The following GSK3A variants were observed in gnomAD, a reference collection of about 807,000 sequenced individuals.
The protein encoded by GSK3A is glycogen synthase kinase-3 alpha.
Under a neutral mutation model 56.6 loss-of-function variants are expected in GSK3A, and 14 were observed. The observed-to-expected ratio is 0.25, with a 90% CI of 0.16 to 0.39. The LOEUF (loss-of-function observed/expected upper bound fraction) is 0.39, where lower values mean the gene tolerates loss of function less well. Ranked by LOEUF, GSK3A falls within the 10% of genes least tolerant of loss-of-function variation. The pLI is 1.00. For missense variants in GSK3A, 450 were observed against 656.0 expected (o/e 0.69, Z 3.43); for synonymous variants, 301 against 285.0 (o/e 1.06, Z -0.56).
chr19:42,232,793 AC>A, intron 8 of GSK3A, 111 bp from the exon 9 acceptor site: 1 of 872,672 alleles, frequency 1.1e-6, no homozygotes, highest in Non-Finnish European at 1.7e-6. Context: ...TGCTTCCCAC[AC>A]CCCCACCTTC....
chr19:42,234,323 C>T lies in GSK3A; in HGVS notation c.904+30G>A. The T allele has an allele frequency of 1.3e-6, 2 of 1,545,664 alleles. No homozygotes were observed. The highest frequency in any genetic ancestry group is 1.8e-6 in the Non-Finnish European group (2 of 1,117,814). Reference sequence around the variant, plus strand: ...AACTCCAAAACTTCCCAGATTGCCACTCCCCCCGCCACCCTCCCATAACTC... The same window carrying T: ...AACTCCAAAACTTCCCAGATTGCCATTCCCCCCGCCACCCTCCCATAACTC... On this transcript the variant is annotated intron_variant, in intron 6 of 10. Transcript: ENST00000222330. This position sits in a 1 kb window ranked among gnomAD's most constrained non-coding sequence, Gnocchi z 5.7.
At position 42,242,222 on chromosome 19, in the gene GSK3A, C is replaced by T; in HGVS notation, c.244G>A (p.Ala82Thr). 6.9e-7 allele frequency: 1 copy of T among 1,443,938 alleles called. No homozygotes were observed. Among genetic ancestry groups the T allele is most frequent in the Non-Finnish European group, 9.1e-7 (1 of 1,103,616 alleles). 89.4% of individuals were successfully genotyped at this position (1,443,938 alleles called of 1,614,324 possible). ...SGGGGSGGPG[A>T]GTSFPPPGVK... Reference sequence around the variant, plus strand: ...CCGGGCGGCGGGAAGCTAGTGCCTGCGCCGGGGCCTCCGCTGCCTCCTCCG... The same window carrying T: ...CCGGGCGGCGGGAAGCTAGTGCCTGTGCCGGGGCCTCCGCTGCCTCCTCCG... Residue 82 changes from alanine to threonine, a missense_variant, in exon 1 of 11, where the codon GCA becomes ACA. Coordinates refer to ENST00000222330, the MANE Select transcript of GSK3A (RefSeq NM_019884.3).
rs374712360 is a variant in GSK3A at position 42,233,421 on chromosome 19, T to C, written c.905-38A>G. On this transcript the variant is annotated intron_variant, in intron 6 of 10. Transcript: ENST00000222330. Reference sequence around the variant, plus strand: ...GGAGGGAGCGTCAGGGCTAGGCGAGTAGGGCCACCAACCTCCCAATGCTTT... The same window carrying C: ...GGAGGGAGCGTCAGGGCTAGGCGAGCAGGGCCACCAACCTCCCAATGCTTT... The C allele has an allele frequency of 6.0e-6, 8 of 1,336,310 alleles. No homozygotes were observed. The African/African-American group carries it at 1.0e-4, about 17-fold the overall frequency. 82.8% of individuals were successfully genotyped at this position (1,336,310 alleles called of 1,614,324 possible). A position where few individuals can be genotyped will look rare whatever the true frequency, so the allele number is the denominator to read the frequency against.
In GSK3A at chr19:42,242,412, C is replaced by T; in HGVS notation, c.54G>A (p.Arg18=). ...GGGPGGSGRA[R]TSSFAEPGGG... Reference sequence around the variant, plus strand: ...CGCCGGGCTCCGCGAACGAGCTAGTCCGCGCCCTGCCCGAGCCCCCAGGGC... The same window carrying T: ...CGCCGGGCTCCGCGAACGAGCTAGTTCGCGCCCTGCCCGAGCCCCCAGGGC... The change falls in exon 1 of 11, where the codon CGG becomes CGA. Residue 18 remains arginine, a synonymous_variant. Transcript: ENST00000222330. The T allele has an allele frequency of 7.3e-7, 1 of 1,362,822 alleles. No homozygotes were observed. 84.4% of individuals were successfully genotyped at this position (1,362,822 alleles called of 1,614,324 possible). A position where few individuals can be genotyped will look rare whatever the true frequency, so the allele number is the denominator to read the frequency against.
At chr19:42,232,448 T>G in intron 9 of GSK3A, 48 bp downstream of exon 9, 1 of 1,561,022 alleles carries the variant, frequency 6.4e-7, no homozygotes, top group Non-Finnish European at 8.8e-7. Flanking sequence ...AATCTTTGGC[T>G]GCCCCCCTAC....
Position 42,234,577 on chromosome 19 carries a change from A to T in GSK3A, c.768T>A (p.Thr256=). 6.2e-7 allele frequency: 1 copy of T among 1,614,070 alleles called. No individual in the cohort carries two copies. The highest frequency in any genetic ancestry group is 8.5e-7 in the Non-Finnish European group (1 of 1,179,950). ...CAAAATCGCAGAGCTTGAGGACAGC[A>T]GTGTCAGGGTCCACCAGCAGGTTCT... ...KPQNLLVDPD[T]AVLKLCDFGS... Residue 256 remains threonine, a synonymous_variant, in exon 5 of 11, where the codon ACT becomes ACA. Transcript: ENST00000222330. The surrounding 1 kb of genome is among the most constrained non-coding windows in gnomAD (Gnocchi z 5.7).
Position 42,242,555 on chromosome 19 carries a change from C to T in GSK3A, c.-90G>A. ...GCCGCCGCCTCCCCCGGGCCCTGGC[C>T]TCTTCCAGGCCGCGCCGCTCTGGCT... On this transcript the variant is annotated 5_prime_UTR_variant, in exon 1 of 11. Coordinates refer to ENST00000222330, the MANE Select transcript of GSK3A (RefSeq NM_019884.3). 1.1e-6 allele frequency: 1 copy of T among 930,054 alleles called. No homozygotes were observed. 57.6% of individuals were successfully genotyped at this position (930,054 alleles called of 1,614,324 possible). A position where few individuals can be genotyped will look rare whatever the true frequency, so the allele number is the denominator to read the frequency against.
chr19:42,242,164 G>A lies in GSK3A; in HGVS notation c.283+19C>T, dbSNP rs772432427. On this transcript the variant is annotated intron_variant, in intron 1 of 10. Transcript: ENST00000222330. ...GGGAACCCTAATCACCACCCTACAC[G>A]GGCGCCACTAGTACTCACGGCCCAG... The A allele has an allele frequency of 3.7e-6, 5 of 1,359,212 alleles. No individual in the cohort carries two copies. In the African/African-American group the frequency reaches 4.5e-5, roughly 12 times the overall value. 84.2% of individuals were successfully genotyped at this position (1,359,212 alleles called of 1,614,324 possible). A position where few individuals can be genotyped will look rare whatever the true frequency, so the allele number is the denominator to read the frequency against.
intron 2 of GSK3A, among the ~76,000 whole-genome samples, chr19:42,238,150 G>A (rs1025956769): frequency 3.3e-5 from 5 of 151,826 alleles, no homozygotes; most frequent in Admixed American, 2.0e-4. Flanking sequence ...CCAGGAGTTC[G>A]AGACCAGCCT....
Position 42,232,112 on chromosome 19 carries a change from G to A in GSK3A, c.1323C>T (p.Ile441=). ...SIQPSLNAIL[I]PPHLRSPAGT... Reference sequence around the variant, plus strand: ...CCGCTGGGGACCTCAAGTGAGGAGGGATGAGAATGGCGTTGAGAGACGGTT... The same window carrying A: ...CCGCTGGGGACCTCAAGTGAGGAGGAATGAGAATGGCGTTGAGAGACGGTT... Residue 441 remains isoleucine, a synonymous_variant, in exon 10 of 11, where the codon ATC becomes ATT. Transcript: ENST00000222330. 1 of 1,609,268 alleles carries A rather than the reference G, an allele frequency of 6.2e-7. No homozygotes were observed. The highest frequency in any genetic ancestry group is 8.5e-7 in the Non-Finnish European group (1 of 1,176,362).
At chr19:42,236,798 A>G in intron 3 of GSK3A, 60 bp downstream of exon 3, 1 of 1,494,140 alleles carries the variant, frequency 6.7e-7, no homozygotes, top group South Asian at 1.1e-5. Flanking sequence ...GCAGTGGGGG[A>G]AAGGCAGGCA....
Position 42,242,595 on chromosome 19 carries a change from G to C in GSK3A, c.-130C>G, listed in dbSNP as rs961154838. ...CCGCTCTGGCTTGGGCTCCGGCTCC[G>C]GCCCAGCGCCCGCCGCGGGGCACGC... On this transcript the variant is annotated 5_prime_UTR_variant, in exon 1 of 11. Coordinates refer to ENST00000222330, the MANE Select transcript of GSK3A (RefSeq NM_019884.3). 9.1e-6 allele frequency: 7 copies of C among 772,456 alleles called. No homozygotes were observed. In the African/African-American group the frequency reaches 1.1e-4, roughly 13 times the overall value. The allele number at this position is 772,456 out of a possible 1,614,324, so 47.9% of individuals were successfully genotyped here. A position where few individuals can be genotyped will look rare whatever the true frequency, so the allele number is the denominator to read the frequency against.
chr19:42,234,785 GC>G lies in GSK3A; in HGVS notation c.667-108del. ...CCCTTCCAGGCCCACTCTCCCTGCT[GC>G]CCCCACAGCTTTGGGGAAACCCATT... On this transcript the variant is annotated intron_variant, in intron 4 of 10. Transcript: ENST00000222330. The surrounding 1 kb of genome is among the most constrained non-coding windows in gnomAD (Gnocchi z 5.7). 2 of 1,175,880 alleles carry G rather than the reference GC, an allele frequency of 1.7e-6. No individual in the cohort carries two copies. Among genetic ancestry groups the G allele is most frequent in the South Asian group, 1.7e-5 (1 of 60,340 alleles). The allele number at this position is 1,175,880 out of a possible 1,614,324, so 72.8% of individuals were successfully genotyped here. A position where few individuals can be genotyped will look rare whatever the true frequency, so the allele number is the denominator to read the frequency against.
rs908233271 is a variant in GSK3A, at chr19:42,234,809, A to G, written c.667-131T>C. 6 of 928,862 alleles carry G rather than the reference A, an allele frequency of 6.5e-6. No homozygotes were observed. The African/African-American group carries it at 8.3e-5, about 13-fold the overall frequency. 57.5% of individuals were successfully genotyped at this position (928,862 alleles called of 1,614,324 possible). On this transcript the variant is annotated intron_variant, in intron 4 of 10. Coordinates refer to ENST00000222330, the MANE Select transcript of GSK3A (RefSeq NM_019884.3). This position sits in a 1 kb window ranked among gnomAD's most constrained non-coding sequence, Gnocchi z 5.7. ...TGCCCCCACAGCTTTGGGGAAACCC[A>G]TTTGAAACCTTGGTTCTCTTAATGT...
intron 6 of GSK3A, 38 bp from the exon 7 acceptor site, chr19:42,233,421 T>A: frequency 7.5e-7 from 1 of 1,336,428 alleles, no homozygotes; most frequent in Non-Finnish European, 1.0e-6. Context: ...GCTAGGCGAG[T>A]AGGGCCACCA....
intron 10 of GSK3A, among the ~76,000 whole-genome samples, 155 bp downstream of exon 10, chr19:42,231,902 A>G (rs1282945950): frequency 2.0e-5 from 3 of 152,186 alleles, no homozygotes; most frequent in Non-Finnish European, 4.4e-5. Flanking sequence ...ATACCCTCTA[A>G]AGGTGGTCAT....
Position 42,242,552 on chromosome 19 carries a change from G to A in GSK3A, c.-87C>T, listed in dbSNP as rs2036301236. The A allele has an allele frequency of 3.2e-6, 3 of 951,412 alleles. No homozygotes were observed. Among genetic ancestry groups the A allele is most frequent in the African/African-American group, 1.8e-5 (1 of 55,884 alleles). The allele number at this position is 951,412 out of a possible 1,614,324, so 58.9% of individuals were successfully genotyped here. A position where few individuals can be genotyped will look rare whatever the true frequency, so the allele number is the denominator to read the frequency against. On this transcript the variant is annotated 5_prime_UTR_variant, in exon 1 of 11. Coordinates refer to ENST00000222330, the MANE Select transcript of GSK3A (RefSeq NM_019884.3). ...GCTGCCGCCGCCTCCCCCGGGCCCTGGCCTCTTCCAGGCCGCGCCGCTCTG... is the reference window on the plus strand; with the variant it reads ...GCTGCCGCCGCCTCCCCCGGGCCCTAGCCTCTTCCAGGCCGCGCCGCTCTG...
intron 4 of GSK3A, among the ~76,000 whole-genome samples, chr19:42,235,739 G>A (rs1011345870): frequency 3.3e-5 from 5 of 152,148 alleles, no homozygotes; most frequent in African/African-American, 1.2e-4. Context: ...CTGTGATGAC[G>A]CCTTTCTACC....
chr19:42,241,089 G>A (rs1175369913), intron 1 of GSK3A: 1 of 151,964 alleles, frequency 6.6e-6, no homozygotes, highest in Non-Finnish European at 1.5e-5. Context: ...TCCGCCTGCT[G>A]GGTTCAAGCG....
Sources: gnomAD v4.1 joint callset for allele counts (sites outside exome capture counted in the v4.1 genomes callset) on GRCh38, gnomAD v4.1.1 for gene constraint, Gnocchi (gnomAD v3.1) non-coding constraint, MANE v1.5 for transcripts, NCBI Gene and HGNC (gene_info 2026-07-23, HGNC 2026-07-21) for gene names.